FBXL17: variants seen among roughly 807,000 people sequenced by gnomAD.
The protein encoded by FBXL17 is F-box/LRR-repeat protein 17.
In FBXL17, 22 loss-of-function variants were observed where a neutral mutation model predicts 66.2. The observed-to-expected ratio is 0.33, with a 90% CI of 0.24 to 0.47. The LOEUF is 0.47. Ranked by LOEUF, FBXL17 falls within the 20% of genes least tolerant of loss-of-function variation. FBXL17 has a pLI of 1.00. For synonymous variants in FBXL17, 474 were observed against 400.5 expected (o/e 1.18, Z -2.19); for missense variants, 878 against 948.2 (o/e 0.93, Z 0.97).
intron 4 of FBXL17, among the ~76,000 whole-genome samples, chr5:108,271,084 A>C (rs1757248495): frequency 8.3e-6 from 1 of 119,932 alleles, no homozygotes; most frequent in Non-Finnish European, 1.9e-5. Context: ...AATAAAGACA[A>C]TGCAAAAAAA....
Position 107,881,067 on chromosome 5 carries a change from C to G in FBXL17, c.1935G>C (p.Leu645=), listed in dbSNP as rs531295506. Residue 645 remains leucine, a synonymous_variant, in exon 8 of 9, where the codon CTG becomes CTC. Coordinates refer to ENST00000542267, the MANE Select transcript of FBXL17 (RefSeq NM_001163315.3). ...ATLIAQSSKS[L]RYLGLMRCDK... The stretch of plus-strand genomic sequence containing the variant: ...CACATCTCATCAGCCCCAAATATCT[C>G]AGAGACTTGCTGCTCTGTGCAATCA... 1 of 1,614,126 alleles carries G rather than the reference C, an allele frequency of 6.2e-7. No individual in the cohort carries two copies.
intron 6 of FBXL17, among the ~76,000 whole-genome samples, chr5:108,178,589 T>C (rs1458144145): frequency 6.6e-6 from 1 of 152,208 alleles, no homozygotes; most frequent in Non-Finnish European, 1.5e-5. Context: ...AATAATGTCA[T>C]AGACAATACA....
At chr5:107,879,426 T>C (rs1366621827) in intron 8 of FBXL17, 4 of 985,408 alleles carry the variant, frequency 4.1e-6, no homozygotes, top group Non-Finnish European at 4.8e-6. Context: ...GGTTGGTTAG[T>C]GGAAAGATTT....
At chr5:107,995,822 T>G (rs1319890248) in intron 7 of FBXL17, among the ~76,000 whole-genome samples, 1 of 152,156 alleles carries the variant, frequency 6.6e-6, no homozygotes, top group Non-Finnish European at 1.5e-5. Flanking sequence ...AAAGCTGTTA[T>G]TCTAAAAGAA....
chr5:108,096,579 C>T (rs772935002), intron 6 of FBXL17, among the ~76,000 whole-genome samples: 1 of 152,140 alleles, frequency 6.6e-6, no homozygotes, highest in Non-Finnish European at 1.5e-5. Context: ...ATTGGCTCAA[C>T]TTGGGATGAG....
intron 7 of FBXL17, among the ~76,000 whole-genome samples, chr5:107,990,766 A>G (rs1753207386): frequency 6.6e-6 from 1 of 152,238 alleles, no homozygotes; most frequent in Admixed American, 6.5e-5. Flanking sequence ...AGATGCAAAC[A>G]GAAACATGAA....
chr5:108,302,697 A>G (rs1758648600), intron 4 of FBXL17, among the ~76,000 whole-genome samples: 1 of 151,864 alleles, frequency 6.6e-6, no homozygotes, highest in Admixed American at 6.6e-5. Context: ...TCAATATAAA[A>G]TGTTCAGCCA....
chr5:108,036,548 G>C, intron 6 of FBXL17, among the ~76,000 whole-genome samples: 1 of 152,074 alleles, frequency 6.6e-6, no homozygotes, highest in Admixed American at 6.6e-5. Context: ...ACATGAATTT[G>C]AAACCCATAA....
chr5:107,999,192 A>G (rs2112711076), intron 7 of FBXL17, among the ~76,000 whole-genome samples: 1 of 152,250 alleles, frequency 6.6e-6, no homozygotes, highest in East Asian at 1.9e-4. Context: ...TTTGCGACAG[A>G]GTGAGTAGGA....
At chr5:108,056,997 C>T (rs949592318) in intron 6 of FBXL17, among the ~76,000 whole-genome samples, 2 of 152,152 alleles carry the variant, frequency 1.3e-5, no homozygotes, top group Non-Finnish European at 2.9e-5. Context: ...GGACCTTTCT[C>T]CTAAATGTTC....
intron 6 of FBXL17, among the ~76,000 whole-genome samples, chr5:108,048,366 G>T (rs1580370911): frequency 6.6e-6 from 1 of 152,214 alleles, no homozygotes; most frequent in Admixed American, 6.5e-5. Context: ...TCGAAAAAAT[G>T]CTGAAAACCC....
At chr5:108,376,395 A>C (rs1197373986) in intron 1 of FBXL17, among the ~76,000 whole-genome samples, 1 of 152,198 alleles carries the variant, frequency 6.6e-6, no homozygotes, top group Non-Finnish European at 1.5e-5. Context: ...TAAACACAAA[A>C]ATTAATTTTA....
intron 4 of FBXL17, among the ~76,000 whole-genome samples, chr5:108,332,940 G>GAAA (rs1760193976): frequency 4.8e-4 from 1 of 2,092 alleles, no homozygotes; most frequent in East Asian, 0.017. Context: ...AAAAGCAAAA[G>GAAA]CAAAAAAAAA....
chr5:108,241,416 G>A (rs1363159111), intron 4 of FBXL17, among the ~76,000 whole-genome samples: 1 of 152,016 alleles, frequency 6.6e-6, no homozygotes, highest in Non-Finnish European at 1.5e-5. Flanking sequence ...GAATCAGTGA[G>A]CTTGAAGACA....
At chr5:108,265,833 T>G (rs967773758) in intron 4 of FBXL17, among the ~76,000 whole-genome samples, 2 of 152,166 alleles carry the variant, frequency 1.3e-5, no homozygotes, top group African/African-American at 4.8e-5. Flanking sequence ...GGGTAGAACC[T>G]GAGTTCCTGC....
intron 7 of FBXL17, among the ~76,000 whole-genome samples, chr5:107,900,209 TTAG>T (rs1252311773): frequency 1.3e-5 from 2 of 152,188 alleles, no homozygotes; most frequent in Non-Finnish European, 2.9e-5. Context: ...AGTTGGTCTT[TTAG>T]TAAGGTTAAT....
chr5:108,043,555 T>C (rs955974258), intron 6 of FBXL17, among the ~76,000 whole-genome samples: 2 of 152,204 alleles, frequency 1.3e-5, no homozygotes, highest in Non-Finnish European at 2.9e-5. Context: ...GAGTCCTTTC[T>C]GAGTTTCCTG....
Position 108,269,017 on chromosome 5 carries a change from G to GTTT in FBXL17, c.1507-44790_1507-44789insAAA, listed in dbSNP as rs1401475246. ...TTATGAAAATATAACAAAGCAAAGG[G>GTTT]ACTTCAGTTAGGGTGGTTATTTTAG... On this transcript the variant is annotated intron_variant, in intron 4 of 8. Coordinates refer to ENST00000542267, the MANE Select transcript of FBXL17 (RefSeq NM_001163315.3). Among the ~76,000 whole-genome samples, 559 of 152,164 alleles carry GTTT rather than the reference G, an allele frequency of 3.7e-3. 3 individuals are homozygous for GTTT. Among genetic ancestry groups the GTTT allele is most frequent in the Non-Finnish European group, 6.2e-3 (424 of 67,920 alleles).
At chr5:108,151,519 T>C (rs992471555) in intron 6 of FBXL17, among the ~76,000 whole-genome samples, 2 of 152,192 alleles carry the variant, frequency 1.3e-5, no homozygotes, top group African/African-American at 2.4e-5. Context: ...ATAAGGTTTC[T>C]ATCAAAATCT....
Sources: allele counts gnomAD v4.1 joint callset (sites outside exome capture counted in the v4.1 genomes callset), GRCh38; gene constraint gnomAD v4.1.1; transcripts MANE v1.5; gene names NCBI Gene and HGNC (gene_info 2026-07-23, HGNC 2026-07-21).